Variants in SLC38A4 observed in about 807,000 individuals in gnomAD.
The protein encoded by SLC38A4 is solute carrier family 38 member 4, also known as sodium-coupled neutral amino acid transporter 4.
In SLC38A4, 20 loss-of-function variants were observed where a neutral mutation model predicts 63.1. The ratio of observed to expected loss-of-function variants is 0.32; its 90% confidence interval spans 0.22 to 0.46. The LOEUF (loss-of-function observed/expected upper bound fraction) is 0.46, where lower values mean the gene tolerates loss of function less well. Among genes scored for constraint, SLC38A4 ranks in the 20% least tolerant of loss-of-function variants. SLC38A4 has a pLI of 1.00. For missense variants in SLC38A4, 526 were observed against 663.6 expected, an observed-to-expected ratio of 0.79 and a Z score of 2.28; for synonymous variants, 230 against 225.5, an observed-to-expected ratio of 1.02 and a Z score of -0.18.
chr12:46,809,214 A>G (rs1398948401), intron 1 of SLC38A4, among the ~76,000 whole-genome samples: 1 of 152,022 alleles, frequency 6.6e-6, no homozygotes, highest in Non-Finnish European at 1.5e-5. Flanking sequence ...AAATGGTGAT[A>G]ATGCTAACAT....
intron 1 of SLC38A4, among the ~76,000 whole-genome samples, chr12:46,808,137 A>C (rs1939272047): frequency 6.6e-6 from 1 of 152,000 alleles, no homozygotes; most frequent in Non-Finnish European, 1.5e-5. Context: ...TACAATACAA[A>C]TGACTACATG....
At chr12:46,777,926 A>G (rs1338681545) in intron 12 of SLC38A4, among the ~76,000 whole-genome samples, 1 of 152,010 alleles carries the variant, frequency 6.6e-6, no homozygotes, top group Non-Finnish European at 1.5e-5. Flanking sequence ...GCCCCTAACC[A>G]TAAGTTTTGG....
upstream of SLC38A4, chr12:46,826,036 C>T (rs1475993825): frequency 6.6e-6 from 1 of 152,342 alleles, no homozygotes; most frequent in Non-Finnish European, 1.5e-5. Context: ...AGCCCCCAGC[C>T]ACGCCCCTAG....
At chr12:46,782,996 C>T (rs12319423) in intron 7 of SLC38A4, among the ~76,000 whole-genome samples, 47 of 126,898 alleles carry the variant, frequency 3.7e-4, no homozygotes, top group Non-Finnish European at 4.5e-4. Context: ...AGCAATAGAC[C>T]AGGTGAGCAG....
At chr12:46,819,013 C>T (rs2120915049) in intron 1 of SLC38A4, among the ~76,000 whole-genome samples, 1 of 151,542 alleles carries the variant, frequency 6.6e-6, no homozygotes, top group Admixed American at 6.6e-5. Flanking sequence ...GAAGAAATGA[C>T]AATTTGCAAT....
intron 1 of SLC38A4, among the ~76,000 whole-genome samples, chr12:46,815,282 T>TACAC (rs1210770359): frequency 2.2e-5 from 2 of 90,128 alleles, no homozygotes; most frequent in South Asian, 9.9e-4. Context: ...TATATATATA[T>TACAC]ATACACACAC....
chr12:46,779,547 T>C lies in SLC38A4; in HGVS notation c.717+64A>G, dbSNP rs1938596646. On this transcript the variant is annotated intron_variant, in intron 10 of 16. Transcript: ENST00000266579. ...AAGTGCTTGAACAAAATGAGGACAC[T>C]AATTTAGGCACAAAAAAACTCATGC... is the stretch of plus-strand genomic sequence containing the variant. 2.3e-6 allele frequency: 3 copies of C among 1,292,562 alleles called. No individual in the cohort carries two copies. The African/African-American group carries it at 4.5e-5, about 19-fold the overall frequency. 80.1% of individuals were successfully genotyped at this position (1,292,562 alleles called of 1,614,324 possible). A position where few individuals can be genotyped will look rare whatever the true frequency, so the allele number is the denominator to read the frequency against.
Position 46,818,896 on chromosome 12 carries a change from C to A in SLC38A4, c.-305+7007G>T, listed in dbSNP as rs140351756. ...AACCTGATTGAAAGGACACTTCAGACAGGCTGAGTTCTTTCAGGAAGAAAT... is the reference window on the plus strand; with the variant it reads ...AACCTGATTGAAAGGACACTTCAGAAAGGCTGAGTTCTTTCAGGAAGAAAT... On this transcript the variant is annotated intron_variant, in intron 1 of 16. Transcript: ENST00000266579. Among the ~76,000 whole-genome samples the A allele has an allele frequency of 2.0e-5, 3 of 151,900 alleles. No individual in the cohort carries two copies. The East Asian group carries it at 5.8e-4, about 29-fold the overall frequency.
At chr12:46,777,851 A>G (rs1265912593) in intron 12 of SLC38A4, among the ~76,000 whole-genome samples, 1 of 152,046 alleles carries the variant, frequency 6.6e-6, no homozygotes, top group Non-Finnish European at 1.5e-5. Context: ...CATCTCTTGT[A>G]ATGAATGTGT....
intron 5 of SLC38A4, among the ~76,000 whole-genome samples, 200 bp downstream of exon 5, chr12:46,787,716 C>T (rs553250981): frequency 2.0e-5 from 3 of 152,122 alleles, no homozygotes; most frequent in Non-Finnish European, 4.4e-5. Flanking sequence ...ATTCTTCTGG[C>T]GAGGCTGCTC....
chr12:46,810,094 C>T (rs921832652), intron 1 of SLC38A4, among the ~76,000 whole-genome samples: 1 of 151,972 alleles, frequency 6.6e-6, no homozygotes, highest in African/African-American at 2.4e-5. Flanking sequence ...TTCTTATCCT[C>T]AGAGCCAATT....
chr12:46,787,431 G>A (rs572410330), intron 5 of SLC38A4, among the ~76,000 whole-genome samples: 1 of 152,242 alleles, frequency 6.6e-6, no homozygotes, highest in African/African-American at 2.4e-5. Context: ...TTAACTAGAT[G>A]AAGAAGGAAG....
intron 14 of SLC38A4, among the ~76,000 whole-genome samples, chr12:46,774,551 T>C (rs981465891): frequency 2.6e-5 from 4 of 152,076 alleles, no homozygotes; most frequent in African/African-American, 4.8e-5. Context: ...TGAAAAATTT[T>C]TTTCTGGTAT....
At chr12:46,793,975 C>T (rs912933396) in intron 2 of SLC38A4, among the ~76,000 whole-genome samples, 7 of 152,042 alleles carry the variant, frequency 4.6e-5, no homozygotes, top group African/African-American at 1.4e-4. Flanking sequence ...TTGAAAAATG[C>T]CTTGAATCTA....
At chr12:46,778,391 C>T (rs200713289) in intron 11 of SLC38A4, 23 bp from the exon 12 acceptor site, 22 of 1,612,020 alleles carry the variant, frequency 1.4e-5, no homozygotes, top group African/African-American at 2.7e-5. Context: ...GACAACACCA[C>T]GTGTTTAGCA....
chr12:46,777,074 A>T (rs1437805839), intron 12 of SLC38A4, 70 bp from the exon 13 acceptor site: 1 of 1,254,190 alleles, frequency 8.0e-7, no homozygotes, highest in Non-Finnish European at 1.1e-6. Flanking sequence ...CAAAATGAAA[A>T]TAATAATAAA....
In SLC38A4 at chr12:46,803,325, G is replaced by A. The variant is rs369771296; in HGVS notation, c.-113+278C>T. On this transcript the variant is annotated intron_variant, in intron 2 of 16. Coordinates refer to ENST00000266579, the MANE Select transcript of SLC38A4 (RefSeq NM_018018.5). ...TATAAATAACTAAACACATTTTACC[G>A]GCTGTATTTGCAATGTTTCCCTTTC... is the stretch of plus-strand genomic sequence containing the variant. 8.6e-5 allele frequency among the ~76,000 whole-genome samples: 13 copies of A among 151,904 alleles called. No homozygotes were observed. In the East Asian group the frequency reaches 1.4e-3, roughly 16 times the overall value.
chr12:46,779,080 T>G (rs1938587699), intron 10 of SLC38A4, among the ~76,000 whole-genome samples: 1 of 151,934 alleles, frequency 6.6e-6, no homozygotes, highest in East Asian at 1.9e-4. Context: ...TAAGGTGACA[T>G]GGGTCTTCAA....
chr12:46,789,431 G>A (rs1488469169), intron 3 of SLC38A4, among the ~76,000 whole-genome samples: 7 of 152,124 alleles, frequency 4.6e-5, no homozygotes, highest in Non-Finnish European at 1.0e-4. Flanking sequence ...ACTTTAAGAT[G>A]TCACTATCCA....
Sources: gnomAD v4.1 joint callset for allele counts (sites outside exome capture counted in the v4.1 genomes callset) on GRCh38, gnomAD v4.1.1 for gene constraint, MANE v1.5 for transcripts, NCBI Gene and HGNC (gene_info 2026-07-23, HGNC 2026-07-21) for gene names.